The following SMYD3 variants were observed in gnomAD, a reference collection of about 807,000 sequenced individuals.
SMYD3 encodes SET and MYND domain containing 3, also known as histone-lysine N-methyltransferase SMYD3.
SMYD3 carries 36 observed loss-of-function variants against 57.7 expected under a neutral mutation model. The ratio of observed to expected loss-of-function variants is 0.62; its 90% CI spans 0.48 to 0.82. The LOEUF is 0.82. Ranked by LOEUF, SMYD3 falls within the 40% of genes least tolerant of loss-of-function variation. The pLI is 0.00. For missense variants in SMYD3, 515 were observed against 538.8 expected, an observed-to-expected ratio of 0.96 and a Z score of 0.44; for synonymous variants, 211 against 195.0, an observed-to-expected ratio of 1.08 and a Z score of -0.68.
intron 5 of SMYD3, among the ~76,000 whole-genome samples, chr1:246,047,181 T>C (rs1012207790): frequency 2.0e-5 from 3 of 152,204 alleles, no homozygotes; most frequent in East Asian, 1.9e-4. Context: ...ATAATGTCCA[T>C]ACAGAACAGT....
chr1:246,226,944 G>A (rs1308586476), intron 5 of SMYD3, among the ~76,000 whole-genome samples: 1 of 152,086 alleles, frequency 6.6e-6, no homozygotes, highest in Non-Finnish European at 1.5e-5. Context: ...ATCTACTCTT[G>A]AATTTATTTA....
intron 5 of SMYD3, among the ~76,000 whole-genome samples, chr1:246,122,189 C>T (rs12032834): frequency 0.081 from 12,265 of 152,080 alleles, 1,001 homozygotes; most frequent in African/African-American, 0.19. Flanking sequence ...GCAGGAGAAT[C>T]TCTTGAGGCC....
Position 246,202,678 on chromosome 1 carries a change from G to A in SMYD3, c.531+124523C>T, listed in dbSNP as rs1388401318. On this transcript the variant is annotated intron_variant, in intron 5 of 11. Coordinates refer to ENST00000490107, the MANE Select transcript of SMYD3 (RefSeq NM_001167740.2). This position sits in a 1 kb window ranked among gnomAD's most constrained non-coding sequence, Gnocchi z 4.1. The stretch of plus-strand genomic sequence containing the variant: ...GACAACAAGGACTTCCTGGTATCAC[G>A]CTAGCTAACAAAATATACTCCAAAT... 6.6e-6 allele frequency among the ~76,000 whole-genome samples: 1 copy of A among 152,142 alleles called. No individual in the cohort carries two copies. The highest frequency in any genetic ancestry group is 1.5e-5 in the Non-Finnish European group (1 of 68,036).
intron 10 of SMYD3, among the ~76,000 whole-genome samples, chr1:245,816,286 T>C (rs918940718): frequency 1.3e-5 from 2 of 151,584 alleles, no homozygotes; most frequent in African/African-American, 4.9e-5. Flanking sequence ...CCACAGAGAG[T>C]ACTCCCGGGG....
At chr1:246,450,395 A>T (rs2103028536) in intron 1 of SMYD3, among the ~76,000 whole-genome samples, 1 of 152,252 alleles carries the variant, frequency 6.6e-6, no homozygotes, top group East Asian at 1.9e-4. Context: ...TCTCTCAGGA[A>T]ATGCTTGATT....
rs534736104 is a variant in SMYD3, at chr1:245,973,704, C to T, written c.532-43767G>A. On this transcript the variant is annotated intron_variant, in intron 5 of 11. Coordinates refer to ENST00000490107, the MANE Select transcript of SMYD3 (RefSeq NM_001167740.2). ...ACTGTCCAAGGAGCATCAGACCATCCCAACTCAAGAACAAATGTCCCAGTT... is the reference window on the plus strand; with the variant it reads ...ACTGTCCAAGGAGCATCAGACCATCTCAACTCAAGAACAAATGTCCCAGTT... Among the ~76,000 whole-genome samples, 3 of 152,226 alleles carry T rather than the reference C, an allele frequency of 2.0e-5. No homozygotes were observed. In the South Asian group the frequency reaches 6.2e-4, roughly 32 times the overall value.
At chr1:246,194,079 G>A (rs940439011) in intron 5 of SMYD3, among the ~76,000 whole-genome samples, 3 of 152,114 alleles carry the variant, frequency 2.0e-5, no homozygotes, top group African/African-American at 7.2e-5. Context: ...AGCTCTAAAG[G>A]TTCCTCATAC....
chr1:246,067,678 C>T (rs2060366204), intron 5 of SMYD3, among the ~76,000 whole-genome samples: 1 of 152,134 alleles, frequency 6.6e-6, no homozygotes. Flanking sequence ...GCGACTCGCT[C>T]CTGGACGTGA....
At chr1:246,437,177 A>T (rs907593619) in intron 1 of SMYD3, among the ~76,000 whole-genome samples, 1 of 151,880 alleles carries the variant, frequency 6.6e-6, no homozygotes, top group African/African-American at 2.4e-5. Context: ...GGGATTTCAG[A>T]GTTTCTTACT....
intron 5 of SMYD3, among the ~76,000 whole-genome samples, chr1:246,158,628 C>G (rs935572389): frequency 6.6e-6 from 1 of 152,024 alleles, no homozygotes; most frequent in Non-Finnish European, 1.5e-5. Context: ...GAATTCCTAG[C>G]ACATAATACG....
chr1:246,006,804 T>C (rs969203925), intron 5 of SMYD3, among the ~76,000 whole-genome samples: 4 of 152,172 alleles, frequency 2.6e-5, no homozygotes, highest in African/African-American at 4.8e-5. Flanking sequence ...GTGCTTAACG[T>C]AATCATGAAC....
Position 246,287,912 on chromosome 1 carries a change from C to T in SMYD3, c.531+39289G>A, listed in dbSNP as rs1052343867. ...GCTGAAAACGGAATGAGAAGCTCACCTTGCTTCCATGAGCACAGCTGCAGG... is the reference window on the plus strand; with the variant it reads ...GCTGAAAACGGAATGAGAAGCTCACTTTGCTTCCATGAGCACAGCTGCAGG... On this transcript the variant is annotated intron_variant, in intron 5 of 11. Transcript: ENST00000490107. Among the ~76,000 whole-genome samples, 2 of 152,090 alleles carry T rather than the reference C, an allele frequency of 1.3e-5. 1 individual carries two copies. Among genetic ancestry groups the T allele is most frequent in the Non-Finnish European group, 2.9e-5 (2 of 68,016 alleles).
intron 5 of SMYD3, among the ~76,000 whole-genome samples, chr1:245,963,221 TCA>T (rs1380308060): frequency 6.6e-6 from 1 of 152,172 alleles, no homozygotes; most frequent in Admixed American, 6.5e-5. Context: ...TATTAAAAAC[TCA>T]CAATACCACT....
In SMYD3 at chr1:245,901,788, G is replaced by A. The variant is rs892414919; in HGVS notation, c.813+13742C>T. On this transcript the variant is annotated intron_variant, in intron 8 of 11. Transcript: ENST00000490107. ...GGGAAGATAAGCAGCAGTCTCAGCC[G>A]GGATTGGCTCAGAGCCAGGAAAGGC... is the stretch of plus-strand genomic sequence containing the variant. Among the ~76,000 whole-genome samples the A allele has an allele frequency of 5.9e-5, 9 of 152,212 alleles. No homozygotes were observed. The South Asian group carries it at 1.4e-3, about 25-fold the overall frequency.
At chr1:246,445,742 G>A (rs1002751104) in intron 1 of SMYD3, among the ~76,000 whole-genome samples, 1 of 151,954 alleles carries the variant, frequency 6.6e-6, no homozygotes, top group East Asian at 1.9e-4. Flanking sequence ...GTCTGAGAGA[G>A]CTTAGTACAG....
chr1:245,830,930 G>A (rs1381580372), intron 10 of SMYD3, among the ~76,000 whole-genome samples: 1 of 152,070 alleles, frequency 6.6e-6, no homozygotes, highest in Non-Finnish European at 1.5e-5. Flanking sequence ...ATTCTTGGTG[G>A]GTGGCCTCTT....
chr1:245,827,544 C>T (rs1209875668), intron 10 of SMYD3, among the ~76,000 whole-genome samples: 2 of 152,216 alleles, frequency 1.3e-5, no homozygotes, highest in East Asian at 3.8e-4. Context: ...CCCACACGCA[C>T]TCCCGGTATT....
chr1:246,345,011 G>T (rs1006700116), intron 2 of SMYD3, among the ~76,000 whole-genome samples: 2 of 152,202 alleles, frequency 1.3e-5, no homozygotes, highest in Non-Finnish European at 2.9e-5. Context: ...CAGGGGGAAA[G>T]AGAGGTCTCA....
At chr1:246,038,518 C>T (rs886587182) in intron 5 of SMYD3, among the ~76,000 whole-genome samples, 2 of 152,166 alleles carry the variant, frequency 1.3e-5, no homozygotes, top group East Asian at 1.9e-4. Flanking sequence ...ACATGTGCCT[C>T]GGGTAACTCT....
Sources: gnomAD v4.1 joint callset for allele counts (sites outside exome capture counted in the v4.1 genomes callset) on GRCh38, gnomAD v4.1.1 for gene constraint, Gnocchi (gnomAD v3.1) non-coding constraint, MANE v1.5 for transcripts, NCBI Gene and HGNC (gene_info 2026-07-23, HGNC 2026-07-21) for gene names.